Variants in CAP2 observed in about 807,000 individuals in gnomAD.
CAP2 encodes cyclase associated actin cytoskeleton regulatory protein 2, also known as adenylyl cyclase-associated protein 2.
A neutral mutation model predicts 57.7 loss-of-function variants in CAP2; 24 were observed. That is an observed-to-expected ratio of 0.42 (90% CI 0.30 to 0.58). The LOEUF (loss-of-function observed/expected upper bound fraction) is 0.58, where lower values mean the gene tolerates loss of function less well. Among genes scored for constraint, CAP2 ranks in the 20% least tolerant of loss-of-function variants. CAP2 has a pLI of 0.22. For synonymous variants in CAP2, 194 were observed against 207.2 expected (o/e 0.94, Z 0.55); for missense variants, 501 against 590.3 (o/e 0.85, Z 1.57).
At chr6:17,522,695 A>G (rs1241309403) in intron 7 of CAP2, among the ~76,000 whole-genome samples, 1 of 152,226 alleles carries the variant, frequency 6.6e-6, no homozygotes, top group Non-Finnish European at 1.5e-5. Context: ...AGGTGAGGCC[A>G]GAAAGGCAGG....
At chr6:17,469,434 C>CTG (rs3836947) in intron 4 of CAP2, among the ~76,000 whole-genome samples, 41 of 150,264 alleles carry the variant, frequency 2.7e-4, no homozygotes, top group Non-Finnish European at 4.4e-4. Flanking sequence ...GTGTGTGTGT[C>CTG]TGTGTGTGTG....
At chr6:17,408,669 T>TTC (rs1411764587) in intron 1 of CAP2, among the ~76,000 whole-genome samples, 2 of 148,666 alleles carry the variant, frequency 1.3e-5, no homozygotes, top group Non-Finnish European at 3.0e-5. Flanking sequence ...CCTTTTTTTT[T>TTC]TTTTTTTTTT....
At chr6:17,412,747 A>C (rs1417209581) in intron 1 of CAP2, among the ~76,000 whole-genome samples, 1 of 151,756 alleles carries the variant, frequency 6.6e-6, no homozygotes, top group Non-Finnish European at 1.5e-5. Context: ...TAGAGGAGGA[A>C]TATTTATATA....
intron 3 of CAP2, among the ~76,000 whole-genome samples, chr6:17,433,449 G>A (rs554111917): frequency 2.0e-5 from 3 of 152,294 alleles, no homozygotes; most frequent in East Asian, 3.9e-4. Flanking sequence ...AAGCAAGACC[G>A]CACTGACCTG....
At chr6:17,508,316 G>A (rs970811824) in intron 6 of CAP2, among the ~76,000 whole-genome samples, 14 of 152,186 alleles carry the variant, frequency 9.2e-5, no homozygotes, top group African/African-American at 3.1e-4. Flanking sequence ...AGGACCTTGC[G>A]TTCGACAGCA....
At chr6:17,461,218 C>G (rs78103152) in intron 3 of CAP2, among the ~76,000 whole-genome samples, 14,186 of 148,038 alleles carry the variant, frequency 0.096, 2,124 homozygotes, top group African/African-American at 0.32. Context: ...TCTTTGAAAC[C>G]TTTTTTTTTT....
chr6:17,502,897 G>C, intron 4 of CAP2, among the ~76,000 whole-genome samples: 1 of 152,120 alleles, frequency 6.6e-6, no homozygotes, highest in East Asian at 1.9e-4. Context: ...CTGCCTTCTG[G>C]GGAAACTGAT....
intron 3 of CAP2, among the ~76,000 whole-genome samples, chr6:17,429,852 T>C (rs1759682386): frequency 6.6e-6 from 1 of 152,204 alleles, no homozygotes; most frequent in Non-Finnish European, 1.5e-5. Context: ...ACTTTGAACA[T>C]GCCGTTTATT....
chr6:17,463,375 A>G (rs181026597), intron 4 of CAP2, among the ~76,000 whole-genome samples: 34 of 152,260 alleles, frequency 2.2e-4, no homozygotes, highest in Admixed American at 1.8e-3. Context: ...ACTGTAACAA[A>G]TGGACATTAC....
intron 12 of CAP2, among the ~76,000 whole-genome samples, chr6:17,553,250 C>T (rs1270635547): frequency 6.6e-6 from 1 of 152,206 alleles, no homozygotes; most frequent in Non-Finnish European, 1.5e-5. Context: ...ACTGTTAAAG[C>T]TTCCCAGGTG....
At chr6:17,498,406 G>A (rs1353130967) in intron 4 of CAP2, among the ~76,000 whole-genome samples, 1 of 152,194 alleles carries the variant, frequency 6.6e-6, no homozygotes, top group Non-Finnish European at 1.5e-5. Context: ...TTTACCCTAT[G>A]ATTTGCTGAA....
intron 7 of CAP2, among the ~76,000 whole-genome samples, chr6:17,521,720 C>T (rs370945107): frequency 1.3e-5 from 2 of 152,124 alleles, no homozygotes; most frequent in South Asian, 2.1e-4. Context: ...CAAGGCATGA[C>T]GCTTGCATAG....
chr6:17,439,155 G>A (rs950053910), intron 3 of CAP2, among the ~76,000 whole-genome samples: 1 of 151,104 alleles, frequency 6.6e-6, no homozygotes, highest in African/African-American at 2.5e-5. Flanking sequence ...GAAAAAAAAG[G>A]CTTTTTCTTC....
intron 7 of CAP2, among the ~76,000 whole-genome samples, chr6:17,519,312 T>G (rs1427686084): frequency 6.6e-6 from 1 of 152,126 alleles, no homozygotes; most frequent in Non-Finnish European, 1.5e-5. Flanking sequence ...GACCAGCGAT[T>G]TGAAGAGAGT....
chr6:17,412,236 C>G (rs932036464), intron 1 of CAP2, among the ~76,000 whole-genome samples: 2 of 152,170 alleles, frequency 1.3e-5, no homozygotes, highest in Non-Finnish European at 2.9e-5. Flanking sequence ...GGCCAGCCCC[C>G]AGTGGCTGAA....
At chr6:17,453,171 G>A (rs1365700031) in intron 3 of CAP2, among the ~76,000 whole-genome samples, 1 of 152,192 alleles carries the variant, frequency 6.6e-6, no homozygotes, top group Non-Finnish European at 1.5e-5. Context: ...TGGGCAGGGT[G>A]GAAACTGAGA....
intron 1 of CAP2, among the ~76,000 whole-genome samples, chr6:17,415,202 A>G (rs1436440558): frequency 6.6e-6 from 1 of 152,226 alleles, no homozygotes; most frequent in Non-Finnish European, 1.5e-5. Flanking sequence ...TCAGCTAGCA[A>G]TCAGGAAACC....
chr6:17,476,528 C>T (rs185152106), intron 4 of CAP2, among the ~76,000 whole-genome samples: 3 of 152,212 alleles, frequency 2.0e-5, no homozygotes, highest in Non-Finnish European at 4.4e-5. Flanking sequence ...TCTAATACCA[C>T]GCTTGAGATT....
chr6:17,457,754 C>A (rs2113588853), intron 3 of CAP2, among the ~76,000 whole-genome samples: 1 of 152,314 alleles, frequency 6.6e-6, no homozygotes, highest in East Asian at 1.9e-4. Flanking sequence ...CATCTTTGCT[C>A]ATCAGACCTG....
Sources: allele counts gnomAD v4.1 joint callset (sites outside exome capture counted in the v4.1 genomes callset), GRCh38; gene constraint gnomAD v4.1.1; transcripts MANE v1.5; gene names NCBI Gene and HGNC (gene_info 2026-07-23, HGNC 2026-07-21).